Variants in CD5L observed in about 807,000 individuals in gnomAD.
CD5L encodes CD5 antigen-like.
CD5L carries 39 observed loss-of-function variants against 40.8 expected under a neutral mutation model. The observed-to-expected ratio is 0.96, with a 90% CI of 0.74 to 1.25. The LOEUF (loss-of-function observed/expected upper bound fraction) is 1.25, where lower values mean the gene tolerates loss of function less well. Ranked by LOEUF, CD5L falls within the 50% of genes most tolerant of loss-of-function variation. CD5L has a pLI of 0.00. For synonymous variants in CD5L, 192 were observed against 169.6 expected, an observed-to-expected ratio of 1.13 and a Z score of -1.03; for missense variants, 433 against 435.9, an observed-to-expected ratio of 0.99 and a Z score of 0.06.
At position 157,834,506 on chromosome 1, in the gene CD5L, A is replaced by T. The variant is rs548320729; in HGVS notation, c.619T>A (p.Ser207Thr). The change falls in exon 4 of 6, where the codon TCA (serine) becomes ACA (threonine). Residue 207 changes from serine (S) to threonine (T), a missense_variant. By Grantham distance (58) the Ser-to-Thr change is moderately conservative (BLOSUM62 1). Coordinates refer to ENST00000368174, the MANE Select transcript of CD5L (RefSeq NM_005894.3). The stretch of plus-strand genomic sequence containing the variant: ...AGGGTTGCTTCTCGTCCTGAGCATG[A>T]CATCTGGCTCAGCCAGATGGGTTTT... Reference protein sequence around the residue: ...GRKPIWLSQMSCSGREATLQD... With the variant: ...GRKPIWLSQMTCSGREATLQD... 1 of 1,614,140 alleles carries T rather than the reference A, an allele frequency of 6.2e-7. No homozygotes were observed.
chr1:157,841,385 C>T (rs2765505), intron 1 of CD5L, among the ~76,000 whole-genome samples: 56,036 of 151,940 alleles, frequency 0.37, 12,465 homozygotes, highest in Non-Finnish European at 0.48. Flanking sequence ...TGTCTTCTTA[C>T]TAATAGTACA....
intron 5 of CD5L, among the ~76,000 whole-genome samples, chr1:157,832,506 G>A (rs1486337229): frequency 6.6e-6 from 1 of 152,194 alleles, no homozygotes; most frequent in African/African-American, 2.4e-5. Context: ...TTTTGAGTCA[G>A]CCACGCAGCG....
chr1:157,839,651 C>T (rs1174408759), intron 1 of CD5L, among the ~76,000 whole-genome samples: 2 of 152,160 alleles, frequency 1.3e-5, no homozygotes, highest in Admixed American at 6.5e-5. Context: ...GCTTTCTTCA[C>T]ACGTGATGGT....
intron 1 of CD5L, among the ~76,000 whole-genome samples, chr1:157,840,056 A>AT (rs1429115815): frequency 6.6e-6 from 1 of 152,114 alleles, no homozygotes; most frequent in African/African-American, 2.4e-5. Flanking sequence ...TGAAATTTAA[A>AT]TTTTTTGTCA....
At chr1:157,840,346 T>C (rs1355777955) in intron 1 of CD5L, among the ~76,000 whole-genome samples, 1 of 152,166 alleles carries the variant, frequency 6.6e-6, no homozygotes, top group Non-Finnish European at 1.5e-5. Context: ...CAGGAGTCCC[T>C]GAGGCCTATG....
chr1:157,828,121 G>A (rs1009911630), downstream of CD5L, among the ~76,000 whole-genome samples: 1 of 152,092 alleles, frequency 6.6e-6, no homozygotes, highest in Admixed American at 6.6e-5. Flanking sequence ...ACAAGACCAG[G>A]GAATTGAGTG....
At position 157,833,217 on chromosome 1, in the gene CD5L, C is replaced by T. The variant is rs1656096022; in HGVS notation, c.1014G>A (p.Gln338=). ...RFWGFHDCTH[Q]EDVAVICSG ...CTGAGCAGATGACAGCCACATCTTCCTGGTGGGTGCAGTCGTGAAACCCCC... is the reference window on the plus strand; with the variant it reads ...CTGAGCAGATGACAGCCACATCTTCTTGGTGGGTGCAGTCGTGAAACCCCC... The change falls in exon 5 of 6, where the codon CAG becomes CAA. Residue 338 remains glutamine (Q), a synonymous_variant. Coordinates refer to ENST00000368174, the MANE Select transcript of CD5L (RefSeq NM_005894.3). 1 of 1,613,818 alleles carries T rather than the reference C, an allele frequency of 6.2e-7. No individual in the cohort carries two copies. The highest frequency in any genetic ancestry group is 8.5e-7 in the Non-Finnish European group (1 of 1,179,816).
At position 157,833,238 on chromosome 1, in the gene CD5L, C is replaced by A. The variant is rs138607635; in HGVS notation, c.993G>T (p.Gly331=). The change falls in exon 5 of 6, where the codon GGG becomes GGT. Residue 331 remains glycine, a synonymous_variant. Coordinates refer to ENST00000368174, the MANE Select transcript of CD5L (RefSeq NM_005894.3). The part of the protein sequence containing the change: ...SLEQCQHRFW[G]FHDCTHQEDV... ...CTTCCTGGTGGGTGCAGTCGTGAAA[C>A]CCCCAAAATCTGTGCTGGCACTGCT... is the stretch of plus-strand genomic sequence containing the variant. The A allele has an allele frequency of 1.1e-5, 18 of 1,614,136 alleles. No homozygotes were observed. Among genetic ancestry groups the A allele is most frequent in the Admixed American group, 1.7e-5 (1 of 60,024 alleles).
intron 5 of CD5L, 101 bp downstream of exon 5, chr1:157,833,091 G>C (rs537322056): frequency 1.2e-5 from 11 of 929,878 alleles, no homozygotes; most frequent in Non-Finnish European, 1.8e-5. Context: ...GCTTCATGGC[G>C]CTTGTGAAAA....
chr1:157,832,035 C>T (rs1656065393), intron 5 of CD5L, 67 bp from the exon 6 acceptor site: 1 of 1,227,364 alleles, frequency 8.1e-7, no homozygotes, highest in Non-Finnish European at 1.1e-6. Flanking sequence ...TCAGTTGAAA[C>T]TCACATTAGC....
chr1:157,834,041 T>C (rs1473650770), intron 4 of CD5L, among the ~76,000 whole-genome samples: 1 of 152,150 alleles, frequency 6.6e-6, no homozygotes, highest in Non-Finnish European at 1.5e-5. Flanking sequence ...TCGACTTCTC[T>C]CACAAAGATA....
chr1:157,841,014 C>T (rs557236028), intron 1 of CD5L, among the ~76,000 whole-genome samples: 1 of 152,160 alleles, frequency 6.6e-6, no homozygotes, highest in South Asian at 2.1e-4. Context: ...TTGTTAGATG[C>T]TTTATATTAG....
chr1:157,830,610 A>G (rs764072980), downstream of CD5L, among the ~76,000 whole-genome samples: 9 of 152,350 alleles, frequency 5.9e-5, no homozygotes, highest in Non-Finnish European at 1.2e-4. Context: ...TGGGTTAGAA[A>G]CATAAACACA....
At position 157,839,413 on chromosome 1, in the gene CD5L, G is replaced by A; in HGVS notation, c.29-3C>T. On this transcript the variant is annotated splice_region_variant and splice_polypyrimidine_tract_variant and intron_variant, in intron 1 of 5. Transcript: ENST00000368174. ...GAATCCAGGTCTGGTGCAAATGGCT[G>A]GGGAAGAAAGAAGGAAATGAGTGAG... 6.2e-7 allele frequency: 1 copy of A among 1,612,906 alleles called. No individual in the cohort carries two copies. The highest frequency in any genetic ancestry group is 8.5e-7 in the Non-Finnish European group (1 of 1,179,676).
At chr1:157,832,460 C>T (rs1656075572) in intron 5 of CD5L, among the ~76,000 whole-genome samples, 1 of 152,232 alleles carries the variant, frequency 6.6e-6, no homozygotes, top group African/African-American at 2.4e-5. Flanking sequence ...AGTAGCCCCA[C>T]ATTGATTACA....
chr1:157,833,465 G>T lies in CD5L; in HGVS notation c.766C>A (p.Arg256=). The T allele has an allele frequency of 1.2e-6, 2 of 1,614,004 alleles. No homozygotes were observed. The highest frequency in any genetic ancestry group is 8.5e-7 in the Non-Finnish European group (1 of 1,179,976). Residue 256 remains arginine (R), a synonymous_variant, in exon 5 of 6, where the codon CGA becomes AGA. Transcript: ENST00000368174. The part of the protein sequence containing the change: ...LVGGDNLCSG[R]LEVLHKGVWG... ...ACGCCCTTGTGCAGCACCTCCAGTC[G>T]CCCAGAGCAGAGGTTGTCTCCTCCT... is the stretch of plus-strand genomic sequence containing the variant.
intron 1 of CD5L, among the ~76,000 whole-genome samples, chr1:157,841,117 T>C (rs1022068349): frequency 6.6e-6 from 1 of 152,192 alleles, no homozygotes; most frequent in South Asian, 2.1e-4. Flanking sequence ...CAGAGAGGTA[T>C]GGTAACCTAC....
At position 157,836,154 on chromosome 1, in the gene CD5L, C is replaced by T. The variant is rs143489369; in HGVS notation, c.57G>A (p.Ala19=). ...CCACCAGCCGCACTCCAGATGGAGA[C>T]GCTGCAAAGAGACGGGTTGTTAGCT... ...LAICTRPGFL[A]SPSGVRLVGG... The change falls in exon 3 of 6, where the codon GCG becomes GCA. Residue 19 remains alanine (A), a splice_region_variant and synonymous_variant. Coordinates refer to ENST00000368174, the MANE Select transcript of CD5L (RefSeq NM_005894.3). 82 of 1,609,500 alleles carry T rather than the reference C, an allele frequency of 5.1e-5. No homozygotes were observed. The highest frequency in any genetic ancestry group is 1.7e-4 in the Middle Eastern group (1 of 6,036).
chr1:157,841,618 TAATC>T, intron 1 of CD5L, 52 bp downstream of exon 1: 1 of 1,528,310 alleles, frequency 6.5e-7, no homozygotes. Context: ...AAAGTTCTCC[TAATC>T]AAAGTGCCAG....
Sources: allele counts gnomAD v4.1 joint callset (sites outside exome capture counted in the v4.1 genomes callset), GRCh38; gene constraint gnomAD v4.1.1; transcripts MANE v1.5; gene names NCBI Gene and HGNC (gene_info 2026-07-23, HGNC 2026-07-21).